FAM117B: variants seen among roughly 807,000 people sequenced by gnomAD.
FAM117B encodes family with sequence similarity 117 member B.
Under a neutral mutation model 52.8 loss-of-function variants are expected in FAM117B, and 22 were observed. The ratio of observed to expected loss-of-function variants is 0.42; its 90% CI spans 0.30 to 0.59. The LOEUF (loss-of-function observed/expected upper bound fraction) is 0.59, where lower values mean the gene tolerates loss of function less well. FAM117B is among the 20% of genes least tolerant of loss of function. The pLI is 0.22. For synonymous variants in FAM117B, 309 were observed against 324.1 expected (o/e 0.95, Z 0.50); for missense variants, 678 against 802.6 (o/e 0.84, Z 1.88).
chr2:202,656,571 CTTATT>C (rs902466419), intron 1 of FAM117B, among the ~76,000 whole-genome samples: 2 of 151,968 alleles, frequency 1.3e-5, no homozygotes, highest in African/African-American at 4.8e-5. Flanking sequence ...GAGAGCATAC[CTTATT>C]TTATTTCTTT....
chr2:202,755,724 A>T, intron 5 of FAM117B, 43 bp downstream of exon 5: 1 of 1,550,782 alleles, frequency 6.4e-7, no homozygotes, highest in Admixed American at 1.8e-5. Context: ...AACTCTTATA[A>T]TTATTAAAAA....
intron 4 of FAM117B, among the ~76,000 whole-genome samples, chr2:202,752,336 G>T (rs545294897): frequency 2.2e-4 from 34 of 151,922 alleles, no homozygotes; most frequent in African/African-American, 8.0e-4. Flanking sequence ...GCACTTCTGC[G>T]TGGAGCTTCC....
intron 4 of FAM117B, among the ~76,000 whole-genome samples, chr2:202,738,183 T>C (rs1161562324): frequency 2.0e-5 from 3 of 152,240 alleles, no homozygotes; most frequent in Admixed American, 6.5e-5. Flanking sequence ...AAGTTACAGA[T>C]ACTTTTTCCC....
In FAM117B at chr2:202,765,691, G is replaced by T. The variant is rs752621082; in HGVS notation, c.1697G>T (p.Arg566Leu). ...AACACAGAGCAAGACCGAGTCTCTCGAGGAACAAGTACAGTCATGCCATCA... is the reference window on the plus strand; with the variant it reads ...AACACAGAGCAAGACCGAGTCTCTCTAGGAACAAGTACAGTCATGCCATCA... ...STNTEQDRVS[R>L]GTSTVMPSAS... The change falls in exon 8 of 8, where the codon CGA (arginine) becomes CTA (leucine). Residue 566 changes from arginine (R) to leucine (L), a missense_variant. Arg to Leu is a moderately radical substitution (Grantham distance 102). This residue lies in a region of FAM117B where 68 missense variants were observed against 80.6 expected (regional missense o/e 0.84). Transcript: ENST00000392238. 6 of 1,614,048 alleles carry T rather than the reference G, an allele frequency of 3.7e-6. No homozygotes were observed. The East Asian group carries it at 1.3e-4, about 36-fold the overall frequency.
chr2:202,725,160 G>A (rs1691220796), intron 3 of FAM117B, 151 bp downstream of exon 3: 10 of 490,106 alleles, frequency 2.0e-5, no homozygotes, highest in Admixed American at 3.8e-5. Context: ...TTATTGTGTT[G>A]ATTTAATAAA....
rs150108438 is a variant in FAM117B at position 202,741,191 on chromosome 2, G to A, written c.961-14347G>A. Among the ~76,000 whole-genome samples, 709 of 152,134 alleles carry A rather than the reference G, an allele frequency of 4.7e-3. 5 individuals are homozygous for A. The highest frequency in any genetic ancestry group is 0.016 in the African/African-American group (659 of 41,510). ...AATCCCAGCACTTTGGGAGGCTAAGGCAGGCGGATCACGAGGTCAGGAGAT... is the reference window on the plus strand; with the variant it reads ...AATCCCAGCACTTTGGGAGGCTAAGACAGGCGGATCACGAGGTCAGGAGAT... On this transcript the variant is annotated intron_variant, in intron 4 of 7. Coordinates refer to ENST00000392238, the MANE Select transcript of FAM117B (RefSeq NM_173511.4).
intron 2 of FAM117B, among the ~76,000 whole-genome samples, chr2:202,700,476 C>T (rs941486366): frequency 6.6e-6 from 1 of 152,160 alleles, no homozygotes. Flanking sequence ...CCTTAATTCT[C>T]TTCAGTTCTT....
At chr2:202,707,021 CA>C (rs1690880930) in intron 2 of FAM117B, among the ~76,000 whole-genome samples, 1 of 152,108 alleles carries the variant, frequency 6.6e-6, no homozygotes, top group Admixed American at 6.6e-5. Context: ...AGGCCAGTGA[CA>C]CCATACATTG....
At chr2:202,695,699 A>G (rs1690699523) in intron 1 of FAM117B, among the ~76,000 whole-genome samples, 182 bp from the exon 2 acceptor site, 2 of 152,204 alleles carry the variant, frequency 1.3e-5, no homozygotes, top group South Asian at 4.1e-4. Flanking sequence ...AAAACAGTGT[A>G]TATAGAATTG....
intron 4 of FAM117B, among the ~76,000 whole-genome samples, chr2:202,735,678 T>C (rs1040309941): frequency 6.6e-6 from 1 of 152,236 alleles, no homozygotes; most frequent in African/African-American, 2.4e-5. Flanking sequence ...TGATTGAGTG[T>C]TAGAGTCTGA....
intron 4 of FAM117B, among the ~76,000 whole-genome samples, chr2:202,731,010 T>C (rs997698489): frequency 6.6e-6 from 1 of 152,116 alleles, no homozygotes; most frequent in Admixed American, 6.5e-5. Flanking sequence ...GGCATTTGTG[T>C]CTAAATTACA....
At chr2:202,742,424 G>A (rs192375618) in intron 4 of FAM117B, among the ~76,000 whole-genome samples, 11 of 152,264 alleles carry the variant, frequency 7.2e-5, no homozygotes, top group African/African-American at 2.2e-4. Flanking sequence ...TATGGTAAAG[G>A]CATCTCAAAT....
chr2:202,725,510 G>A (rs550771139), intron 3 of FAM117B, among the ~76,000 whole-genome samples: 1 of 152,030 alleles, frequency 6.6e-6, no homozygotes, highest in South Asian at 2.1e-4. Flanking sequence ...GTAGAGATGG[G>A]GTTTCATCAT....
chr2:202,671,287 G>A (rs1346539563), intron 1 of FAM117B, among the ~76,000 whole-genome samples: 2 of 152,222 alleles, frequency 1.3e-5, no homozygotes, highest in Admixed American at 1.3e-4. Flanking sequence ...ACAGGGAAGG[G>A]ACAAAAGTTA....
chr2:202,645,839 CAG>C (rs1313420752), intron 1 of FAM117B, among the ~76,000 whole-genome samples: 1 of 151,134 alleles, frequency 6.6e-6, no homozygotes, highest in African/African-American at 2.4e-5. Context: ...CTCCTGACCT[CAG>C]GTGATCCGCC....
chr2:202,673,471 G>A (rs1423385180), intron 1 of FAM117B, among the ~76,000 whole-genome samples: 3 of 46,812 alleles, frequency 6.4e-5, no homozygotes, highest in African/African-American at 2.5e-4. Context: ...TTTTTGAGAC[G>A]TTGTCTTGCT....
chr2:202,647,360 G>T (rs1467191801), intron 1 of FAM117B, among the ~76,000 whole-genome samples: 2 of 151,994 alleles, frequency 1.3e-5, no homozygotes, highest in South Asian at 2.1e-4. Flanking sequence ...CTCTATTCTA[G>T]ACCTGTACAT....
chr2:202,760,493 G>T (rs1445384196), intron 7 of FAM117B, among the ~76,000 whole-genome samples: 1 of 152,128 alleles, frequency 6.6e-6, no homozygotes, highest in African/African-American at 2.4e-5. Context: ...TTTCCTTGGG[G>T]ATATTTTTCC....
chr2:202,691,640 C>T (rs1301439911), intron 1 of FAM117B, among the ~76,000 whole-genome samples: 1 of 124,096 alleles, frequency 8.1e-6, no homozygotes, highest in African/African-American at 2.8e-5. Flanking sequence ...GCATATATAC[C>T]AGTTTACATT....
Sources: allele counts gnomAD v4.1 joint callset (sites outside exome capture counted in the v4.1 genomes callset), GRCh38; gene constraint gnomAD v4.1.1; regional missense constraint gnomAD v4.1.1; transcripts MANE v1.5; gene names NCBI Gene and HGNC (gene_info 2026-07-23, HGNC 2026-07-21).